Variants in GALNTL6 observed in about 807,000 individuals in gnomAD.
GALNTL6 encodes the protein polypeptide N-acetylgalactosaminyltransferase-like 6.
Under a neutral mutation model 73.7 loss-of-function variants are expected in GALNTL6, and 46 were observed. The ratio of observed to expected loss-of-function variants is 0.62; its 90% CI spans 0.49 to 0.80. The LOEUF (loss-of-function observed/expected upper bound fraction) is 0.80, where lower values mean the gene tolerates loss of function less well. Ranked by LOEUF, GALNTL6 falls within the 30% of genes least tolerant of loss-of-function variation. The pLI is 0.00. For synonymous variants in GALNTL6, 259 were observed against 263.7 expected (o/e 0.98, Z 0.17); for missense variants, 604 against 755.0 (o/e 0.80, Z 2.34).
At chr4:171,853,118 C>T (rs1287196731) in intron 2 of GALNTL6, among the ~76,000 whole-genome samples, 1 of 150,566 alleles carries the variant, frequency 6.6e-6, no homozygotes, top group Non-Finnish European at 1.5e-5. Context: ...CCGCTTCAGC[C>T]TCCCAAAGTG....
intron 2 of GALNTL6, among the ~76,000 whole-genome samples, chr4:172,086,483 TTTTATTGTTATAAACTTTATTCCTAAAG>T (rs1213501798): frequency 1.3e-5 from 2 of 152,172 alleles, no homozygotes; most frequent in Non-Finnish European, 2.9e-5. Context: ...GTTTTAATTA[TTTTATTGTTATAAACTTTATTCCTAAAG>T]TTTATTCCTA....
intron 5 of GALNTL6, among the ~76,000 whole-genome samples, chr4:172,788,563 T>G (rs564363315): frequency 3.3e-5 from 5 of 149,664 alleles, no homozygotes; most frequent in Non-Finnish European, 5.9e-5. Context: ...TCCCAGCTAC[T>G]CGGGAGGCTG....
At chr4:172,220,856 A>G (rs933504623) in intron 2 of GALNTL6, among the ~76,000 whole-genome samples, 10 of 151,878 alleles carry the variant, frequency 6.6e-5, no homozygotes, top group African/African-American at 2.2e-4. Flanking sequence ...TTGAGGTCTT[A>G]TCTACATTTG....
chr4:172,213,925 T>A (rs2110932521), intron 2 of GALNTL6, among the ~76,000 whole-genome samples: 1 of 152,158 alleles, frequency 6.6e-6, no homozygotes, highest in South Asian at 2.1e-4. Flanking sequence ...AATTTTTATA[T>A]TTTACATTTA....
intron 7 of GALNTL6, among the ~76,000 whole-genome samples, chr4:172,835,409 G>A (rs867029129): frequency 3.9e-5 from 6 of 152,206 alleles, no homozygotes; most frequent in East Asian, 1.9e-4. Flanking sequence ...GAGCAGAGTC[G>A]CAGAGACAGG....
intron 2 of GALNTL6, among the ~76,000 whole-genome samples, chr4:172,152,275 C>T (rs1475150867): frequency 6.6e-6 from 1 of 152,138 alleles, no homozygotes; most frequent in Non-Finnish European, 1.5e-5. Flanking sequence ...ACACTGCACT[C>T]GGACCATTTC....
At chr4:172,196,060 G>GAA (rs142100627) in intron 2 of GALNTL6, among the ~76,000 whole-genome samples, 3 of 104,840 alleles carry the variant, frequency 2.9e-5, no homozygotes, top group African/African-American at 1.0e-4. Flanking sequence ...GACTAGTAAA[G>GAA]AAAAAAAAAA....
At chr4:172,436,543 G>C in intron 5 of GALNTL6, among the ~76,000 whole-genome samples, 1 of 152,058 alleles carries the variant, frequency 6.6e-6, no homozygotes, top group East Asian at 1.9e-4. Flanking sequence ...ACTTAAACAA[G>C]TAGATCTGAA....
At chr4:172,498,148 A>G (rs1159247260) in intron 5 of GALNTL6, among the ~76,000 whole-genome samples, 66 of 151,310 alleles carry the variant, frequency 4.4e-4, no homozygotes, top group Non-Finnish European at 8.8e-5. Context: ...GCACCACCAC[A>G]CCCGGCTAAT....
chr4:171,868,320 C>G (rs911440087), intron 2 of GALNTL6, among the ~76,000 whole-genome samples: 1 of 152,116 alleles, frequency 6.6e-6, no homozygotes, highest in African/African-American at 2.4e-5. Flanking sequence ...CCATTTTAAG[C>G]TTTCTTCATG....
At chr4:172,864,812 A>G (rs1469265489) in intron 7 of GALNTL6, among the ~76,000 whole-genome samples, 2 of 152,116 alleles carry the variant, frequency 1.3e-5, no homozygotes, top group Non-Finnish European at 2.9e-5. Context: ...TTGATGTTCT[A>G]TTTCTATCTT....
intron 2 of GALNTL6, among the ~76,000 whole-genome samples, chr4:172,094,546 C>G (rs1254967081): frequency 1.3e-5 from 2 of 151,940 alleles, no homozygotes; most frequent in Non-Finnish European, 2.9e-5. Flanking sequence ...ATAATCAAAC[C>G]TAGTTAACCA....
At chr4:172,317,033 G>A (rs940736736) in intron 4 of GALNTL6, among the ~76,000 whole-genome samples, 6 of 152,156 alleles carry the variant, frequency 3.9e-5, no homozygotes, top group East Asian at 1.9e-4. Flanking sequence ...GGCCAGGTGC[G>A]TTTGTCTAAT....
intron 2 of GALNTL6, among the ~76,000 whole-genome samples, chr4:171,881,407 G>A (rs148983422): frequency 4.3e-4 from 65 of 152,244 alleles, no homozygotes; most frequent in African/African-American, 1.3e-3. Context: ...CCAGTGGGAG[G>A]TGATTGGATC....
At chr4:172,346,962 T>A (rs1272565074) in intron 4 of GALNTL6, among the ~76,000 whole-genome samples, 2 of 147,066 alleles carry the variant, frequency 1.4e-5, no homozygotes, top group Non-Finnish European at 3.0e-5. Flanking sequence ...AGCCTATTGA[T>A]TTTTTTCTTT....
chr4:172,039,830 G>A (rs554866535), intron 2 of GALNTL6, among the ~76,000 whole-genome samples: 1 of 152,184 alleles, frequency 6.6e-6, no homozygotes, highest in Non-Finnish European at 1.5e-5. Context: ...ATATTAAAAT[G>A]ACTTGATTGC....
At chr4:172,401,826 G>A (rs991559486) in intron 5 of GALNTL6, among the ~76,000 whole-genome samples, 7 of 151,528 alleles carry the variant, frequency 4.6e-5, no homozygotes, top group South Asian at 2.1e-4. Context: ...TGTATTTGTC[G>A]TGGTAAAATC....
chr4:172,058,151 G>GTT (rs375218540), intron 2 of GALNTL6, among the ~76,000 whole-genome samples: 1 of 151,176 alleles, frequency 6.6e-6, no homozygotes, highest in African/African-American at 2.4e-5. Flanking sequence ...GTTTTGTTTT[G>GTT]TTGTACAGAC....
intron 5 of GALNTL6, among the ~76,000 whole-genome samples, chr4:172,417,503 G>A (rs1397143521): frequency 6.6e-6 from 1 of 152,028 alleles, no homozygotes. Context: ...ACAAAAATTA[G>A]CCGAGCATGG....
Sources: gnomAD v4.1 joint callset for allele counts (sites outside exome capture counted in the v4.1 genomes callset) on GRCh38, gnomAD v4.1.1 for gene constraint, MANE v1.5 for transcripts, NCBI Gene and HGNC (gene_info 2026-07-23, HGNC 2026-07-21) for gene names.